PRKCE: variants seen among roughly 807,000 people sequenced by gnomAD.
The protein encoded by PRKCE is protein kinase C epsilon type.
Under a neutral mutation model 85.4 loss-of-function variants are expected in PRKCE, and 16 were observed. That is an observed-to-expected ratio of 0.19 (90% CI 0.13 to 0.28). The LOEUF is 0.28. Ranked by LOEUF, PRKCE falls within the 10% of genes least tolerant of loss-of-function variation. PRKCE has a pLI of 1.00. For missense variants in PRKCE, 573 were observed against 975.2 expected, an observed-to-expected ratio of 0.59 and a Z score of 5.49; for synonymous variants, 388 against 371.5, an observed-to-expected ratio of 1.04 and a Z score of -0.51.
intron 10 of PRKCE, among the ~76,000 whole-genome samples, chr2:46,085,865 C>G (rs982424984): frequency 2.0e-5 from 3 of 150,480 alleles, no homozygotes; most frequent in African/African-American, 7.4e-5. Context: ...ATAAAGACAA[C>G]TGGAGCCCCA....
intron 1 of PRKCE, among the ~76,000 whole-genome samples, chr2:45,803,973 A>G (rs1276034734): frequency 1.3e-5 from 2 of 152,190 alleles, no homozygotes; most frequent in Non-Finnish European, 1.5e-5. Flanking sequence ...CCCATCCAGG[A>G]GAGGGAAATT....
chr2:46,081,098 C>T (rs1669029808), intron 10 of PRKCE, among the ~76,000 whole-genome samples: 1 of 152,068 alleles, frequency 6.6e-6, no homozygotes, highest in African/African-American at 2.4e-5. Context: ...CTCAAGCAAC[C>T]CTCCCACCTC....
chr2:45,891,286 C>T (rs1017572113), intron 2 of PRKCE, among the ~76,000 whole-genome samples: 1 of 151,968 alleles, frequency 6.6e-6, no homozygotes, highest in Non-Finnish European at 1.5e-5. Flanking sequence ...AGTAATGTAC[C>T]CCCTAGGGTT....
chr2:45,829,774 T>G (rs1690247491), intron 1 of PRKCE, among the ~76,000 whole-genome samples: 1 of 152,070 alleles, frequency 6.6e-6, no homozygotes, highest in African/African-American at 2.4e-5. Flanking sequence ...AACTTTCACA[T>G]AAAAAATTGG....
chr2:46,099,099 G>A (rs550838349), intron 11 of PRKCE, among the ~76,000 whole-genome samples: 1 of 152,170 alleles, frequency 6.6e-6, no homozygotes, highest in Middle Eastern at 3.4e-3. Context: ...AACATTCTTG[G>A]CCAATTCATT....
chr2:46,054,403 G>A (rs1372789062), intron 10 of PRKCE, among the ~76,000 whole-genome samples: 5 of 152,198 alleles, frequency 3.3e-5, no homozygotes, highest in African/African-American at 1.2e-4. Flanking sequence ...ATCAGAGCCA[G>A]GGTCTCTTGA....
chr2:45,806,606 C>A (rs1421175515), intron 1 of PRKCE, among the ~76,000 whole-genome samples: 1 of 152,196 alleles, frequency 6.6e-6, no homozygotes, highest in African/African-American at 2.4e-5. Context: ...CTCATAAGCA[C>A]AGGCAACCAC....
intron 2 of PRKCE, among the ~76,000 whole-genome samples, chr2:45,953,149 C>T (rs1404083708): frequency 6.6e-6 from 1 of 152,232 alleles, no homozygotes; most frequent in African/African-American, 2.4e-5. Context: ...CCCCCTTCCC[C>T]ATGGCCAGGT....
intron 12 of PRKCE, among the ~76,000 whole-genome samples, chr2:46,146,366 A>G (rs1676071704): frequency 6.6e-6 from 1 of 152,276 alleles, no homozygotes; most frequent in South Asian, 2.1e-4. Context: ...AGCACGTGCT[A>G]GGCACAAAGC....
intron 10 of PRKCE, among the ~76,000 whole-genome samples, chr2:46,023,156 G>A (rs551213368): frequency 1.3e-4 from 19 of 149,380 alleles, no homozygotes; most frequent in African/African-American, 4.7e-4. Context: ...GCTTTGTCAT[G>A]TTTCTCTTTG....
intron 11 of PRKCE, among the ~76,000 whole-genome samples, chr2:46,113,112 CT>C (rs1374909599): frequency 6.6e-6 from 1 of 152,166 alleles, no homozygotes; most frequent in Non-Finnish European, 1.5e-5. Context: ...TGTATTAGTG[CT>C]GCCCAAATAC....
At chr2:45,755,572 C>G (rs1310904223) in intron 1 of PRKCE, among the ~76,000 whole-genome samples, 2 of 152,228 alleles carry the variant, frequency 1.3e-5, no homozygotes, top group African/African-American at 4.8e-5. Context: ...CTATATTTAG[C>G]TCAAATTTCT....
At chr2:45,971,939 A>C (rs1306688059) in intron 2 of PRKCE, among the ~76,000 whole-genome samples, 1 of 152,202 alleles carries the variant, frequency 6.6e-6, no homozygotes, top group Non-Finnish European at 1.5e-5. Context: ...CAGATGCATG[A>C]GGACTCTTCA....
intron 1 of PRKCE, among the ~76,000 whole-genome samples, chr2:45,724,503 A>C (rs1680895164): frequency 6.6e-6 from 1 of 152,230 alleles, no homozygotes; most frequent in Non-Finnish European, 1.5e-5. Flanking sequence ...CTCTCACTTG[A>C]AATCAAAACT....
intron 2 of PRKCE, among the ~76,000 whole-genome samples, chr2:45,906,035 C>A (rs1573825122): frequency 6.6e-6 from 1 of 152,240 alleles, no homozygotes; most frequent in African/African-American, 2.4e-5. Flanking sequence ...GGGTTGGTAT[C>A]ATGATAGCAT....
intron 1 of PRKCE, among the ~76,000 whole-genome samples, chr2:45,827,994 C>A (rs1218175754): frequency 6.6e-6 from 1 of 152,060 alleles, no homozygotes; most frequent in Non-Finnish European, 1.5e-5. Context: ...AGAATATATT[C>A]CAGCAGATTC....
intron 1 of PRKCE, among the ~76,000 whole-genome samples, chr2:45,787,325 A>G (rs1484939573): frequency 6.6e-6 from 1 of 152,112 alleles, no homozygotes; most frequent in Non-Finnish European, 1.5e-5. Context: ...GTAGGATAAA[A>G]TGTGATGAGG....
At chr2:45,942,821 A>G (rs895304038) in intron 2 of PRKCE, among the ~76,000 whole-genome samples, 4 of 152,246 alleles carry the variant, frequency 2.6e-5, no homozygotes, top group Non-Finnish European at 4.4e-5. Flanking sequence ...ATGAGTATAT[A>G]TATCAAAATT....
chr2:46,121,721 T>G (rs1161326750), intron 11 of PRKCE, among the ~76,000 whole-genome samples: 8 of 152,208 alleles, frequency 5.3e-5, no homozygotes, highest in Non-Finnish European at 1.2e-4. Flanking sequence ...ACATTTGAAC[T>G]GACAACAGAC....
Sources: gnomAD v4.1 joint callset for allele counts (sites outside exome capture counted in the v4.1 genomes callset) on GRCh38, gnomAD v4.1.1 for gene constraint, MANE v1.5 for transcripts, NCBI Gene and HGNC (gene_info 2026-07-23, HGNC 2026-07-21) for gene names.